Variants in PCDHGA5 observed in about 807,000 individuals in gnomAD.
The protein encoded by PCDHGA5 is protocadherin gamma subfamily A, 5.
PCDHGA5 carries 36 observed loss-of-function variants against 56.7 expected under a neutral mutation model. The observed-to-expected ratio is 0.64, with a 90% CI of 0.49 to 0.84. The LOEUF (loss-of-function observed/expected upper bound fraction) is 0.84, where lower values mean the gene tolerates loss of function less well. PCDHGA5 is among the 40% of genes least tolerant of loss of function. The pLI is 0.00. For synonymous variants in PCDHGA5, 563 were observed against 520.2 expected (o/e 1.08, Z -1.12); for missense variants, 1,305 against 1,201.5 (o/e 1.09, Z -1.27).
intron 1 of PCDHGA5, among the ~76,000 whole-genome samples, chr5:141,466,868 CA>C (rs1343260699): frequency 1.3e-5 from 2 of 152,100 alleles, no homozygotes; most frequent in African/African-American, 2.4e-5. Flanking sequence ...GAAATCCACA[CA>C]TTTTTTTCAT....
intron 1 of PCDHGA5, chr5:141,388,423 TGATA>T: frequency 2.5e-6 from 4 of 1,613,948 alleles, no homozygotes; most frequent in Non-Finnish European, 3.4e-6. Flanking sequence ...CATTTCTCAC[TGATA>T]AATAAAGAGA....
chr5:141,469,226 A>G (rs998643671), intron 1 of PCDHGA5, among the ~76,000 whole-genome samples: 1 of 152,066 alleles, frequency 6.6e-6, no homozygotes, highest in Non-Finnish European at 1.5e-5. Context: ...TCAGTGAGCC[A>G]TGATCACCCC....
At position 141,485,343 on chromosome 5, in the gene PCDHGA5, A is replaced by G; in HGVS notation, c.2422-9464A>G. ...GCTCAAGATTTCCTGCTGGATACGG[A>G]CAGTCTGTCAGCTCGCAGGCTGCAG... On this transcript the variant is annotated intron_variant, in intron 1 of 3. Transcript: ENST00000518069. This position sits in a 1 kb window ranked among gnomAD's most constrained non-coding sequence, Gnocchi z 5.7. 1 of 1,614,062 alleles carries G rather than the reference A, an allele frequency of 6.2e-7. No homozygotes were observed. Among genetic ancestry groups the G allele is most frequent in the Non-Finnish European group, 8.5e-7 (1 of 1,179,984 alleles).
intron 1 of PCDHGA5, chr5:141,478,942 C>G: frequency 1.7e-6 from 1 of 579,218 alleles, no homozygotes; most frequent in Non-Finnish European, 2.9e-6. Context: ...TCTAGGAATA[C>G]AAAAACTACC....
Position 141,420,095 on chromosome 5 carries a change from G to A in PCDHGA5, c.2421+53344G>A, listed in dbSNP as rs1382286285. 2.5e-6 allele frequency: 4 copies of A among 1,613,882 alleles called. No individual in the cohort carries two copies. Among genetic ancestry groups the A allele is most frequent in the Admixed American group, 1.7e-5 (1 of 60,010 alleles). ...TGTGGGTCCCCCCAACTACAGTGAGGGAACGTTGCCCTATGCCTATAATTT... is the reference window on the plus strand; with the variant it reads ...TGTGGGTCCCCCCAACTACAGTGAGAGAACGTTGCCCTATGCCTATAATTT... On this transcript the variant is annotated intron_variant, in intron 1 of 3. Coordinates refer to ENST00000518069, the MANE Select transcript of PCDHGA5 (RefSeq NM_018918.3).
In PCDHGA5 at chr5:141,512,267, G is replaced by C. The variant is rs2099884152; in HGVS notation, c.*1094G>C. On this transcript the variant is annotated 3_prime_UTR_variant, in exon 4 of 4. Coordinates refer to ENST00000518069, the MANE Select transcript of PCDHGA5 (RefSeq NM_018918.3). ...GCCTCTGTGGGTGCTGGGTACTCCA[G>C]AGGTGCCACTGGTGGAAGGGTCAGC... 2.6e-5 allele frequency: 4 copies of C among 152,744 alleles called. No homozygotes were observed. Among genetic ancestry groups the C allele is most frequent in the Admixed American group, 2.6e-4 (4 of 15,290 alleles). 9.5% of individuals were successfully genotyped at this position (152,744 alleles called of 1,614,324 possible). A position where few individuals can be genotyped will look rare whatever the true frequency, so the allele number is the denominator to read the frequency against.
intron 1 of PCDHGA5, chr5:141,382,716 C>A (rs11575956): frequency 2.0e-6 from 1 of 488,008 alleles, no homozygotes; most frequent in Non-Finnish European, 3.5e-6. Context: ...CAGAAACCAC[C>A]GAGTTTTACA....
chr5:141,372,277 C>A, intron 1 of PCDHGA5: 1 of 1,613,112 alleles, frequency 6.2e-7, no homozygotes. Flanking sequence ...GAGGTGCGCA[C>A]GGCGCGTACC....
Position 141,392,895 on chromosome 5 carries a change from A to C in PCDHGA5, c.2421+26144A>C, listed in dbSNP as rs1213908930. ...GCTGGGAACGCTGTGGGAAATCGGG[A>C]GGGGACAGATTCGCTACTCTGTGCC... On this transcript the variant is annotated intron_variant, in intron 1 of 3. Transcript: ENST00000518069. 11 of 1,613,660 alleles carry C rather than the reference A, an allele frequency of 6.8e-6. No individual in the cohort carries two copies. The Admixed American group carries it at 1.8e-4, about 27-fold the overall frequency.
intron 1 of PCDHGA5, chr5:141,376,282 G>A: frequency 6.2e-7 from 1 of 1,614,214 alleles, no homozygotes; most frequent in Non-Finnish European, 8.5e-7. Context: ...GTGGCTTAGC[G>A]AGCATGCCCG....
At chr5:141,427,602 A>G (rs1415454468) in intron 1 of PCDHGA5, 1 of 685,668 alleles carries the variant, frequency 1.5e-6, no homozygotes, top group Non-Finnish European at 2.7e-6. Flanking sequence ...CACCCTACGC[A>G]TTGGTGAAGT....
At chr5:141,413,931 A>T (rs776911095) in intron 1 of PCDHGA5, 1 of 1,613,254 alleles carries the variant, frequency 6.2e-7, no homozygotes, top group Non-Finnish European at 8.5e-7. Flanking sequence ...CAGAATACCG[A>T]GTGAGTGTTC....
chr5:141,423,348 C>G, intron 1 of PCDHGA5: 1 of 1,614,222 alleles, frequency 6.2e-7, no homozygotes. Flanking sequence ...TCTTCCTGGT[C>G]TTTGTCATCG....
At chr5:141,375,541 A>C (rs566370523) in intron 1 of PCDHGA5, 1 of 1,613,904 alleles carries the variant, frequency 6.2e-7, no homozygotes, top group South Asian at 1.1e-5. Flanking sequence ...AGAACGCCCA[A>C]GTCTCCTACT....
chr5:141,383,634 T>C, intron 1 of PCDHGA5: 1 of 1,613,914 alleles, frequency 6.2e-7, no homozygotes, highest in Non-Finnish European at 8.5e-7. Flanking sequence ...TCTCTCTGCC[T>C]CAGTACCAAG....
intron 1 of PCDHGA5, among the ~76,000 whole-genome samples, chr5:141,438,216 T>A (rs2097938802): frequency 6.6e-6 from 1 of 152,158 alleles, no homozygotes; most frequent in Non-Finnish European, 1.5e-5. Flanking sequence ...TGGGAAGGGC[T>A]CTGGTTCAGG....
intron 1 of PCDHGA5, chr5:141,422,052 C>T: frequency 6.2e-7 from 1 of 1,611,298 alleles, no homozygotes; most frequent in Non-Finnish European, 8.5e-7. Flanking sequence ...AGGGAATCAA[C>T]GGGGAAGTAA....
At position 141,368,797 on chromosome 5, in the gene PCDHGA5, A is replaced by G. The variant is rs560030013; in HGVS notation, c.2421+2046A>G. On this transcript the variant is annotated intron_variant, in intron 1 of 3. Coordinates refer to ENST00000518069, the MANE Select transcript of PCDHGA5 (RefSeq NM_018918.3). ...TGTGTTCTGAAGAATAATTTTTCAT[A>G]CTAATTGAAGTGTTCATACAATGAA... Among the ~76,000 whole-genome samples, 8 of 152,330 alleles carry G rather than the reference A, an allele frequency of 5.3e-5. No individual in the cohort carries two copies. The South Asian group carries it at 1.7e-3, about 32-fold the overall frequency.
chr5:141,382,701 T>G, intron 1 of PCDHGA5: 2 of 460,044 alleles, frequency 4.3e-6, no homozygotes, highest in Non-Finnish European at 7.6e-6. Flanking sequence ...GTGCGAGAGA[T>G]CCCACAGAAA....
Sources: allele counts gnomAD v4.1 joint callset (sites outside exome capture counted in the v4.1 genomes callset), GRCh38; gene constraint gnomAD v4.1.1; non-coding constraint Gnocchi (gnomAD v3.1); transcripts MANE v1.5; gene names NCBI Gene and HGNC (gene_info 2026-07-23, HGNC 2026-07-21).